The following TMCC1 variants were observed in gnomAD, a reference collection of about 807,000 sequenced individuals.
TMCC1 encodes the protein transmembrane and coiled-coil domains protein 1.
Under a neutral mutation model 52.4 loss-of-function variants are expected in TMCC1, and 15 were observed. The observed-to-expected ratio is 0.29, with a 90% CI of 0.19 to 0.44. The LOEUF (loss-of-function observed/expected upper bound fraction) is 0.44, where lower values mean the gene tolerates loss of function less well. Among genes scored for constraint, TMCC1 ranks in the 20% least tolerant of loss-of-function variants. The probability of loss-of-function intolerance (pLI) is 1.00; values close to 1 mark genes in which losing one functional copy is unlikely to be tolerated. For missense variants in TMCC1, 503 were observed against 806.0 expected (o/e 0.62, Z 4.55); for synonymous variants, 279 against 301.9 (o/e 0.92, Z 0.79).
chr3:129,813,740 C>G (rs536915963), intron 4 of TMCC1, among the ~76,000 whole-genome samples: 1 of 151,660 alleles, frequency 6.6e-6, no homozygotes, highest in Non-Finnish European at 1.5e-5. Context: ...AACAAACCCC[C>G]GCAACATGCA....
chr3:129,701,891 C>T (rs754935731), intron 4 of TMCC1, among the ~76,000 whole-genome samples: 1 of 151,914 alleles, frequency 6.6e-6, no homozygotes, highest in Non-Finnish European at 1.5e-5. Flanking sequence ...CCAAGTACTA[C>T]TTACAAAGCA....
At chr3:129,718,058 C>T (rs1423218881) in intron 4 of TMCC1, among the ~76,000 whole-genome samples, 9 of 152,000 alleles carry the variant, frequency 5.9e-5, no homozygotes, top group Non-Finnish European at 1.5e-5. Context: ...GAAAAAATGG[C>T]AAATTGCATA....
intron 4 of TMCC1, among the ~76,000 whole-genome samples, chr3:129,685,598 G>A (rs888276981): frequency 6.6e-6 from 1 of 152,170 alleles, no homozygotes. Context: ...TGGCTGACGA[G>A]GCTGTAAAAT....
At chr3:129,718,425 G>C (rs928593188) in intron 4 of TMCC1, among the ~76,000 whole-genome samples, 3 of 152,172 alleles carry the variant, frequency 2.0e-5, no homozygotes, top group Non-Finnish European at 4.4e-5. Context: ...CCAGTAAACT[G>C]CATATCTCAG....
intron 6 of TMCC1, among the ~76,000 whole-genome samples, chr3:129,652,871 A>G (rs2086428671): frequency 6.6e-6 from 1 of 152,214 alleles, no homozygotes; most frequent in Admixed American, 6.5e-5. Flanking sequence ...TTTACCTACA[A>G]TTCCTGTCTC....
At chr3:129,864,537 C>G (rs186827017) in intron 2 of TMCC1, among the ~76,000 whole-genome samples, 4 of 152,284 alleles carry the variant, frequency 2.6e-5, no homozygotes, top group Non-Finnish European at 1.5e-5. Context: ...TACCTATAAT[C>G]CCAGCACTCT....
At chr3:129,674,129 T>C (rs186165748) in intron 4 of TMCC1, among the ~76,000 whole-genome samples, 158 of 152,362 alleles carry the variant, frequency 1.0e-3, no homozygotes, top group African/African-American at 3.3e-3. Flanking sequence ...CAGCGATGTT[T>C]GCACTTTGAC....
intron 2 of TMCC1, among the ~76,000 whole-genome samples, chr3:129,834,843 G>A (rs1227390251): frequency 1.3e-5 from 2 of 152,140 alleles, no homozygotes; most frequent in African/African-American, 2.4e-5. Flanking sequence ...AGCTGGAAAC[G>A]TATTACGAGT....
At chr3:129,760,384 T>A (rs927415129) in intron 4 of TMCC1, among the ~76,000 whole-genome samples, 16 of 148,052 alleles carry the variant, frequency 1.1e-4, no homozygotes, top group Admixed American at 6.8e-4. Context: ...CACAGCAGCG[T>A]GCTACCACGC....
intron 4 of TMCC1, among the ~76,000 whole-genome samples, chr3:129,702,214 G>A (rs777471322): frequency 3.4e-5 from 5 of 149,130 alleles, no homozygotes; most frequent in African/African-American, 4.9e-5. Flanking sequence ...TACCAGTGCC[G>A]TTTAGAAATG....
rs908324845 is a variant in TMCC1 at position 129,828,165 on chromosome 3, G to T, written c.214C>A (p.Gln72Lys). Reference protein sequence around the residue: ...RSSVSPHDVQQIQADPEPEMD... With the variant: ...RSSVSPHDVQKIQADPEPEMD... ...TCAGGTTCTGGATCTGCCTGAATTT[G>T]CTGCACATCATGTGGAGACACTGAT... The change falls in exon 4 of 7, where the codon CAA (glutamine) becomes AAA (lysine). Residue 72 changes from glutamine (Q) to lysine (K), a missense_variant. Physicochemically the swap from Gln to Lys is moderately conservative, Grantham distance 53. This residue lies in a region of TMCC1 where 217 missense variants were observed against 297.9 expected (regional missense o/e 0.73). Transcript: ENST00000393238. This position sits in a 1 kb window ranked among gnomAD's most constrained non-coding sequence, Gnocchi z 4.1. The T allele has an allele frequency of 6.2e-7, 1 of 1,613,996 alleles. No individual in the cohort carries two copies. The highest frequency in any genetic ancestry group is 1.3e-5 in the African/African-American group (1 of 74,910).
intron 4 of TMCC1, among the ~76,000 whole-genome samples, chr3:129,747,571 T>C (rs1350538369): frequency 3.3e-5 from 5 of 152,204 alleles, no homozygotes; most frequent in Admixed American, 6.5e-5. Context: ...CTCTTATTAC[T>C]ATGAGAAACC....
intron 4 of TMCC1, among the ~76,000 whole-genome samples, chr3:129,711,015 C>A (rs765598203): frequency 2.0e-5 from 3 of 152,182 alleles, no homozygotes; most frequent in Admixed American, 6.5e-5. Context: ...AGGCGCCTGC[C>A]ACCATGCCCG....
At chr3:129,888,167 ATGG>A (rs1409405358) in intron 1 of TMCC1, among the ~76,000 whole-genome samples, 3 of 152,244 alleles carry the variant, frequency 2.0e-5, no homozygotes, top group Non-Finnish European at 2.9e-5. Flanking sequence ...ATTCTGGCAG[ATGG>A]TGGGAGGCAG....
intron 2 of TMCC1, among the ~76,000 whole-genome samples, chr3:129,864,568 T>A (rs2060537659): frequency 6.6e-6 from 1 of 152,140 alleles, no homozygotes; most frequent in Non-Finnish European, 1.5e-5. Flanking sequence ...GGCAGCCAGA[T>A]CACTTGAACC....
At chr3:129,707,143 T>C (rs1466404479) in intron 4 of TMCC1, among the ~76,000 whole-genome samples, 1 of 152,216 alleles carries the variant, frequency 6.6e-6, no homozygotes, top group Non-Finnish European at 1.5e-5. Context: ...GCTCCCCTAC[T>C]AGACAGTGAA....
chr3:129,817,721 C>T (rs2058171473), intron 4 of TMCC1, among the ~76,000 whole-genome samples: 1 of 152,006 alleles, frequency 6.6e-6, no homozygotes, highest in Admixed American at 6.6e-5. Context: ...GATCTCTGCT[C>T]ACTGCAACCT....
At chr3:129,853,572 T>C (rs2060009971) in intron 2 of TMCC1, among the ~76,000 whole-genome samples, 1 of 148,582 alleles carries the variant, frequency 6.7e-6, no homozygotes, top group African/African-American at 2.5e-5. Flanking sequence ...TAGGCTGCAG[T>C]GAGCTATGAT....
intron 4 of TMCC1, among the ~76,000 whole-genome samples, chr3:129,725,142 C>T (rs2049972354): frequency 6.6e-6 from 1 of 152,138 alleles, no homozygotes; most frequent in Non-Finnish European, 1.5e-5. Context: ...GAGACAGGGT[C>T]TTGCTCTGCC....
Sources: allele counts gnomAD v4.1 joint callset (sites outside exome capture counted in the v4.1 genomes callset), GRCh38; gene constraint gnomAD v4.1.1; regional missense constraint gnomAD v4.1.1; non-coding constraint Gnocchi (gnomAD v3.1); transcripts MANE v1.5; gene names NCBI Gene and HGNC (gene_info 2026-07-23, HGNC 2026-07-21).